Variants in EPHB4 observed in about 807,000 individuals in gnomAD.
EPHB4 encodes EPH receptor B4.
EPHB4 carries 50 observed loss-of-function variants against 110.6 expected under a neutral mutation model. The observed-to-expected ratio is 0.45, with a 90% CI of 0.36 to 0.57. EPHB4 has a LOEUF of 0.57. Among genes scored for constraint, EPHB4 ranks in the 20% least tolerant of loss-of-function variants. EPHB4 has a pLI of 0.00. For synonymous variants in EPHB4, 592 were observed against 578.4 expected, an observed-to-expected ratio of 1.02 and a Z score of -0.34; for missense variants, 1,128 against 1,382.1, an observed-to-expected ratio of 0.82 and a Z score of 2.91.
Position 100,820,324 on chromosome 7 carries a change from G to C in EPHB4, c.809-28C>G, listed in dbSNP as rs376027753. The C allele has an allele frequency of 6.5e-5, 104 of 1,609,678 alleles. 3 individuals carry two copies. In the South Asian group the frequency reaches 1.0e-3, roughly 16 times the overall value. On this transcript the variant is annotated intron_variant, in intron 4 of 16. Coordinates refer to ENST00000358173, the MANE Select transcript of EPHB4 (RefSeq NM_004444.5). ...GAGAGAGAGAAAGCATTCATCAAAA[G>C]CATGCACAAAAACATCCATCTGCAC...
chr7:100,812,235 T>G (rs1584657578), intron 12 of EPHB4, among the ~76,000 whole-genome samples: 1 of 149,120 alleles, frequency 6.7e-6, no homozygotes, highest in Non-Finnish European at 1.5e-5. Flanking sequence ...AACCTTCAGC[T>G]GTATGGGGCA....
At position 100,805,339 on chromosome 7, in the gene EPHB4, G is replaced by A. The variant is rs199981207; in HGVS notation, c.2679-18C>T. Reference sequence around the variant, plus strand: ...GTGAGGCCCTAGGGGGCAAGGATGGGGAGGAATGCTGAGTACCAGGCCCAG... The same window carrying A: ...GTGAGGCCCTAGGGGGCAAGGATGGAGAGGAATGCTGAGTACCAGGCCCAG... On this transcript the variant is annotated intron_variant, in intron 15 of 16. Transcript: ENST00000358173. 2.0e-3 allele frequency: 3,228 copies of A among 1,613,538 alleles called. 18 individuals carry two copies. Among genetic ancestry groups the A allele is most frequent in the Non-Finnish European group, 1.7e-3 (2,007 of 1,179,732 alleles).
In EPHB4 at chr7:100,822,283, T is replaced by C; in HGVS notation, c.796A>G (p.Thr266Ala). 3.2e-6 allele frequency: 5 copies of C among 1,561,848 alleles called. No homozygotes were observed. The highest frequency in any genetic ancestry group is 1.2e-5 in the South Asian group (1 of 85,422). ...APGFEAAEGN[T>A]KCRACAQGTF... is the part of the protein sequence containing the mutation. Reference sequence around the variant, plus strand: ...CTCCAGCTCTCACCTCGGCACTTGGTGTTCCCCTCAGCTGCCTCGAACCCC... The same window carrying C: ...CTCCAGCTCTCACCTCGGCACTTGGCGTTCCCCTCAGCTGCCTCGAACCCC... Residue 266 changes from threonine to alanine, a missense_variant, in exon 4 of 17, where the codon ACC becomes GCC. Thr to Ala is a moderately conservative substitution (Grantham distance 58). Around this residue, in one of 3 missense-constraint regions of EPHB4, gnomAD observed 728 missense variants for 828.6 expected, o/e 0.88. Coordinates refer to ENST00000358173, the MANE Select transcript of EPHB4 (RefSeq NM_004444.5). The surrounding 1 kb of genome is among the most constrained non-coding windows in gnomAD (Gnocchi z 4.7).
At chr7:100,809,919 G>A (rs1411405863) in intron 12 of EPHB4, among the ~76,000 whole-genome samples, 1 of 152,186 alleles carries the variant, frequency 6.6e-6, no homozygotes, top group African/African-American at 2.4e-5. Context: ...TTTCAGATCA[G>A]CCTGGCCAAC....
chr7:100,819,482 CCT>C, intron 6 of EPHB4, 73 bp downstream of exon 6: 2 of 1,482,956 alleles, frequency 1.3e-6, no homozygotes, highest in Non-Finnish European at 1.8e-6. Flanking sequence ...CTTCACAGCC[CCT>C]GCCTCTCCCC....
At position 100,820,267 on chromosome 7, in the gene EPHB4, A is replaced by G. The variant is rs144988774; in HGVS notation, c.838T>C (p.Ser280Pro). The change falls in exon 5 of 17, where the codon TCA becomes CCA. Residue 280 changes from serine to proline, a missense_variant. Physicochemically the swap from Ser to Pro is moderately conservative, Grantham distance 74. Transcript: ENST00000358173. ...CATGGCTGGCAGGACCCTTCTCCTG[A>G]CAGGGGCTTGAAGGTGCCCTGGGCA... ...ACAQGTFKPL[S>P]GEGSCQPCPA... is the part of the protein sequence containing the mutation. 31 of 1,613,836 alleles carry G rather than the reference A, an allele frequency of 1.9e-5. No homozygotes were observed. Among genetic ancestry groups the G allele is most frequent in the Non-Finnish European group, 2.6e-5 (31 of 1,179,998 alleles).
Position 100,822,308 on chromosome 7 carries a change from C to T in EPHB4, c.771G>A (p.Pro257=), listed in dbSNP as rs771255460. 2.2e-5 allele frequency: 35 copies of T among 1,566,362 alleles called. No homozygotes were observed. Among genetic ancestry groups the T allele is most frequent in the Admixed American group, 1.1e-4 (6 of 54,976 alleles). ...EQPVTGCSCA[P]GFEAAEGNTK... is the part of the protein sequence containing the mutation. ...TGTTCCCCTCAGCTGCCTCGAACCC[C>T]GGAGCACAGCTGCAGCCCGTGACCG... The change falls in exon 4 of 17, where the codon CCG becomes CCA. Residue 257 remains proline, a synonymous_variant. Coordinates refer to ENST00000358173, the MANE Select transcript of EPHB4 (RefSeq NM_004444.5). This position sits in a 1 kb window ranked among gnomAD's most constrained non-coding sequence, Gnocchi z 4.7.
Position 100,822,090 on chromosome 7 carries a change from CG to C in EPHB4, c.808+180del. On this transcript the variant is annotated intron_variant, in intron 4 of 16. Transcript: ENST00000358173. This position sits in a 1 kb window ranked among gnomAD's most constrained non-coding sequence, Gnocchi z 4.7. ...CAGGAGAACTGCTTGAACAGGGACC[CG>C]GGAGGCAAAGGTTGCAGTTGAGCAG... Among the ~76,000 whole-genome samples the C allele has an allele frequency of 6.6e-6, 1 of 152,072 alleles. No homozygotes were observed.
intron 8 of EPHB4, 104 bp from the exon 9 acceptor site, chr7:100,814,125 A>T: frequency 4.9e-6 from 6 of 1,231,526 alleles, no homozygotes; most frequent in South Asian, 1.4e-5. Context: ...ACAGGTCCCC[A>T]GTACAGGGGA....
intron 12 of EPHB4, among the ~76,000 whole-genome samples, chr7:100,809,307 A>C (rs1351676047): frequency 6.6e-6 from 1 of 151,940 alleles, no homozygotes. Flanking sequence ...GGGTTTCACC[A>C]TGTTGGCCAG....
rs765931769 is a variant in EPHB4, at chr7:100,817,251, C to A, written c.1529G>T (p.Arg510Leu). The A allele has an allele frequency of 1.9e-6, 3 of 1,605,620 alleles. No individual in the cohort carries two copies. The highest frequency in any genetic ancestry group is 1.1e-5 in the South Asian group (1 of 89,628). The change falls in exon 8 of 17, where the codon CGC (arginine) becomes CTC (leucine). Residue 510 changes from arginine to leucine, a missense_variant. Coordinates refer to ENST00000358173, the MANE Select transcript of EPHB4 (RefSeq NM_004444.5). The stretch of plus-strand genomic sequence containing the variant: ...GAAGGGCCCGTAGCCGGCCTCAGAG[C>A]GCGCCCGTACCTGCACCAGGTAGCT... ...GASYLVQVRA[R>L]SEAGYGPFGQ...
chr7:100,805,882 CTA>C (rs1057446132), intron 14 of EPHB4, 188 bp from the exon 15 acceptor site: 38 of 505,582 alleles, frequency 7.5e-5, no homozygotes, highest in Admixed American at 1.2e-4. Context: ...AGCTCTTGGG[CTA>C]TGATACAGAC....
Position 100,823,788 on chromosome 7 carries a change from C to A in EPHB4, c.267G>T (p.Thr89=). The A allele has an allele frequency of 6.2e-7, 1 of 1,613,486 alleles. No individual in the cohort carries two copies. The highest frequency in any genetic ancestry group is 1.3e-5 in the African/African-American group (1 of 75,058). Residue 89 remains threonine, a synonymous_variant, in exon 3 of 17, where the codon ACG becomes ACT. Coordinates refer to ENST00000358173, the MANE Select transcript of EPHB4 (RefSeq NM_004444.5). ...PRRGAVHVYA[T]LRFTMLECLS... is the part of the protein sequence containing the mutation. Reference sequence around the variant, plus strand: ...GGCACTCGAGCATGGTGAAGCGCAGCGTGGCGTACACGTGGACGGCGCCCC... The same window carrying A: ...GGCACTCGAGCATGGTGAAGCGCAGAGTGGCGTACACGTGGACGGCGCCCC...
intron 10 of EPHB4, 117 bp from the exon 11 acceptor site, chr7:100,813,325 T>TC (rs1478581742): frequency 1.2e-6 from 1 of 865,412 alleles, no homozygotes; most frequent in Non-Finnish European, 1.7e-6. Flanking sequence ...TTTTTTTTTT[T>TC]TTTTCCTGAG....
Position 100,807,352 on chromosome 7 carries a change from C to G in EPHB4, c.2334+13G>C, listed in dbSNP as rs1194818328. On this transcript the variant is annotated intron_variant, in intron 13 of 16. Transcript: ENST00000358173. Reference sequence around the variant, plus strand: ...CCTAAGAAGCTCACACCCAGTATTACCCCCAGCATTACCAGGGAGCTCGTG... The same window carrying G: ...CCTAAGAAGCTCACACCCAGTATTAGCCCCAGCATTACCAGGGAGCTCGTG... The G allele has an allele frequency of 6.2e-7, 1 of 1,612,344 alleles. No homozygotes were observed. Among genetic ancestry groups the G allele is most frequent in the Admixed American group, 1.7e-5 (1 of 59,990 alleles).
chr7:100,826,074 A>T (rs1351237554), intron 1 of EPHB4, among the ~76,000 whole-genome samples: 1 of 151,898 alleles, frequency 6.6e-6, no homozygotes, highest in Admixed American at 6.6e-5. Flanking sequence ...CCCCATAACC[A>T]CTTTCATACC....
At chr7:100,826,830 C>G (rs929293385) in intron 1 of EPHB4, 149 bp downstream of exon 1, 4 of 783,796 alleles carry the variant, frequency 5.1e-6, no homozygotes, top group Non-Finnish European at 7.3e-6. Context: ...CCGCCCCCCT[C>G]CCGTTCCAGC....
chr7:100,814,055 T>C, intron 8 of EPHB4, 34 bp from the exon 9 acceptor site: 6 of 1,610,132 alleles, frequency 3.7e-6, no homozygotes, highest in Non-Finnish European at 5.1e-6. Flanking sequence ...CAGGAGAAAC[T>C]GATGGTCCTG....
chr7:100,814,065 G>T (rs917606440), intron 8 of EPHB4, 44 bp from the exon 9 acceptor site: 2 of 1,603,574 alleles, frequency 1.2e-6, no homozygotes, highest in Non-Finnish European at 1.7e-6. Context: ...TGATGGTCCT[G>T]TAGGAGGCCC....
Sources: allele counts gnomAD v4.1 joint callset (sites outside exome capture counted in the v4.1 genomes callset), GRCh38; gene constraint gnomAD v4.1.1; regional missense constraint gnomAD v4.1.1; non-coding constraint Gnocchi (gnomAD v3.1); transcripts MANE v1.5; gene names NCBI Gene and HGNC (gene_info 2026-07-23, HGNC 2026-07-21).